ARMC2: variants seen among roughly 807,000 people sequenced by gnomAD.
ARMC2 encodes armadillo repeat-containing protein 2.
In ARMC2, 67 loss-of-function variants were observed where a neutral mutation model predicts 90.3. The ratio of observed to expected loss-of-function variants is 0.74; its 90% CI spans 0.61 to 0.91. The LOEUF is 0.91. ARMC2 is among the 40% of genes least tolerant of loss of function. The pLI, the probability that ARMC2 is intolerant of heterozygous loss-of-function variation, is 0.00. For missense variants in ARMC2, 920 were observed against 1,030.9 expected (o/e 0.89, Z 1.47); for synonymous variants, 393 against 393.0 (o/e 1.00, Z 0.00).
chr6:108,901,098 A>AT (rs1173637475), intron 7 of ARMC2, among the ~76,000 whole-genome samples: 918 of 59,352 alleles, frequency 0.015, 275 homozygotes, highest in Non-Finnish European at 0.018. Context: ...GAAAGAAGGA[A>AT]TTTTTTTTTT....
At chr6:108,894,953 AG>A (rs1771454148) in intron 6 of ARMC2, among the ~76,000 whole-genome samples, 1 of 150,398 alleles carries the variant, frequency 6.6e-6, no homozygotes, top group African/African-American at 2.4e-5. Context: ...TTTTTAGTAG[AG>A]ACGAGCTTTC....
intron 10 of ARMC2, among the ~76,000 whole-genome samples, chr6:108,925,977 CT>C (rs1775071188): frequency 6.6e-6 from 1 of 152,074 alleles, no homozygotes; most frequent in Non-Finnish European, 1.5e-5. Context: ...GCTGTCTAAA[CT>C]TTTGCTAATG....
intron 5 of ARMC2, among the ~76,000 whole-genome samples, chr6:108,885,709 A>G (rs1206774223): frequency 6.6e-6 from 1 of 152,048 alleles, no homozygotes; most frequent in Non-Finnish European, 1.5e-5. Context: ...AGAAAAAGTG[A>G]TAATCTGTCT....
intron 6 of ARMC2, 72 bp downstream of exon 6, chr6:108,894,615 T>C (rs2128457437): frequency 7.5e-7 from 1 of 1,326,640 alleles, no homozygotes; most frequent in Non-Finnish European, 1.0e-6. Flanking sequence ...TGAAGATATC[T>C]ATGTTGGCCA....
intron 2 of ARMC2, chr6:108,856,334 C>G (rs1461286385): frequency 6.6e-6 from 1 of 152,046 alleles, no homozygotes; most frequent in Non-Finnish European, 1.5e-5. Flanking sequence ...GGAATATGAG[C>G]CAAAGTTTTA....
chr6:108,998,421 G>T, the ARMC2 span: 1 of 1,475,512 alleles, frequency 6.8e-7, no homozygotes, highest in Non-Finnish European at 9.3e-7. Flanking sequence ...GTCTTAACAG[G>T]GTGGGTTTTT....
chr6:108,932,346 C>T (rs1169271556), intron 11 of ARMC2, among the ~76,000 whole-genome samples: 4 of 151,544 alleles, frequency 2.6e-5, no homozygotes, highest in African/African-American at 9.8e-5. Context: ...GCCTAGGTTA[C>T]CTTCCAGGGT....
At chr6:108,871,388 C>G (rs1183613601) in intron 4 of ARMC2, among the ~76,000 whole-genome samples, 3 of 152,140 alleles carry the variant, frequency 2.0e-5, no homozygotes, top group African/African-American at 7.2e-5. Context: ...AACGCTCCCC[C>G]CGCAACCCGA....
chr6:108,994,771 C>T, the ARMC2 span, among the ~76,000 whole-genome samples: 1 of 144,428 alleles, frequency 6.9e-6, no homozygotes, highest in Non-Finnish European at 1.5e-5. Context: ...GGCGCGATCT[C>T]GGCTCACTGC....
the ARMC2 span, among the ~76,000 whole-genome samples, chr6:109,052,567 A>T: frequency 6.6e-6 from 1 of 152,146 alleles, no homozygotes; most frequent in Non-Finnish European, 1.5e-5. Flanking sequence ...ATCCTTTCCC[A>T]ATGTTATTGA....
At chr6:108,901,140 C>CAGGG (rs1470805944) in intron 7 of ARMC2, among the ~76,000 whole-genome samples, 1 of 79,038 alleles carries the variant, frequency 1.3e-5, no homozygotes, top group African/African-American at 4.9e-5. Flanking sequence ...TTTTTTGAGA[C>CAGGG]AGTCGCTCTG....
At chr6:108,907,355 A>G (rs1772845357) in intron 8 of ARMC2, among the ~76,000 whole-genome samples, 1 of 152,156 alleles carries the variant, frequency 6.6e-6, no homozygotes, top group Non-Finnish European at 1.5e-5. Flanking sequence ...TCAAGGACTC[A>G]CAATCTAGTA....
chr6:109,001,209 T>G, the ARMC2 span: 2 of 1,162,434 alleles, frequency 1.7e-6, no homozygotes, highest in Non-Finnish European at 2.5e-6. Flanking sequence ...TATTTATCCC[T>G]GTGTTTAAAG....
chr6:108,855,889 A>AT, intron 2 of ARMC2, among the ~76,000 whole-genome samples: 1 of 152,262 alleles, frequency 6.6e-6, no homozygotes, highest in Non-Finnish European at 1.5e-5. Context: ...TCTGTGGCCC[A>AT]TTTTTTAAAT....
chr6:108,854,434 T>G lies in ARMC2; in HGVS notation c.167T>G (p.Phe56Cys). Residue 56 changes from phenylalanine (F) to cysteine (C), a missense_variant, in exon 2 of 18, where the codon TTC becomes TGC. Physicochemically the swap from Phe to Cys is radical, Grantham distance 205. Transcript: ENST00000392644. ...FTPQEAQRKL[F>C]GPASSRTSEN... Reference sequence around the variant, plus strand: ...CCACAGGAGGCTCAAAGAAAACTATTCGGACCTGCATCCTCAAGAACATCA... The same window carrying G: ...CCACAGGAGGCTCAAAGAAAACTATGCGGACCTGCATCCTCAAGAACATCA... The G allele has an allele frequency of 1.2e-6, 2 of 1,613,616 alleles. No individual in the cohort carries two copies. The highest frequency in any genetic ancestry group is 4.5e-5 in the East Asian group (2 of 44,804).
intron 12 of ARMC2, 121 bp downstream of exon 12, chr6:108,937,120 G>A (rs567050350): frequency 1.2e-6 from 1 of 861,522 alleles, no homozygotes; most frequent in South Asian, 1.9e-5. Context: ...TCCATTAAAT[G>A]TATAATGGGC....
intron 3 of ARMC2, among the ~76,000 whole-genome samples, chr6:108,864,902 C>T (rs1213684365): frequency 1.3e-5 from 2 of 152,064 alleles, no homozygotes; most frequent in African/African-American, 2.4e-5. Flanking sequence ...CCAGAACAGA[C>T]CTTAAAATAT....
chr6:108,899,938 C>A, intron 7 of ARMC2, 146 bp downstream of exon 7: 1 of 652,818 alleles, frequency 1.5e-6, no homozygotes, highest in East Asian at 2.8e-5. Context: ...CAAATGAAGT[C>A]ATCTATTTAT....
At chr6:108,944,545 C>G (rs904614075) in intron 12 of ARMC2, among the ~76,000 whole-genome samples, 20 of 152,274 alleles carry the variant, frequency 1.3e-4, no homozygotes, top group African/African-American at 4.6e-4. Flanking sequence ...GCCTTCAGTT[C>G]AGTTGGCTAG....
Sources: gnomAD v4.1 joint callset for allele counts (sites outside exome capture counted in the v4.1 genomes callset) on GRCh38, gnomAD v4.1.1 for gene constraint, MANE v1.5 for transcripts, NCBI Gene and HGNC (gene_info 2026-07-23, HGNC 2026-07-21) for gene names.